Variants in ANKRD17 observed in about 807,000 individuals in gnomAD.
The protein encoded by ANKRD17 is ankyrin repeat domain-containing protein 17.
In ANKRD17, 19 loss-of-function variants were observed where a neutral mutation model predicts 229.7. The observed-to-expected ratio is 0.08, with a 90% CI of 0.06 to 0.12. The LOEUF is 0.12. ANKRD17 is among the 10% of genes least tolerant of loss of function. ANKRD17 has a pLI of 1.00. For missense variants in ANKRD17, 2,176 were observed against 3,176.8 expected (o/e 0.68, Z 7.57); for synonymous variants, 1,112 against 1,146.1 (o/e 0.97, Z 0.60).
rs773130484 is a variant in ANKRD17 at position 73,115,938 on chromosome 4, C to T, written c.4189-22G>A. 5 of 1,599,122 alleles carry T rather than the reference C, an allele frequency of 3.1e-6. 1 individual carries two copies. In the South Asian group the frequency reaches 5.5e-5, roughly 18 times the overall value. On this transcript the variant is annotated intron_variant, in intron 22 of 33. Transcript: ENST00000358602. ...GACCCTAAAAAATAGATATCAATGT[C>T]AGATTGAAAACAGACTCTAACAGTT...
At chr4:73,191,954 C>CTA (rs1218063589) in intron 1 of ANKRD17, among the ~76,000 whole-genome samples, 2 of 151,980 alleles carry the variant, frequency 1.3e-5, no homozygotes, top group Admixed American at 1.3e-4. Context: ...ACAGGAAAGA[C>CTA]TATAAATAAC....
Position 73,156,107 on chromosome 4 carries a change from A to G in ANKRD17, c.764T>C (p.Ile255Thr). ...GDVNAVRKLLIEGRSVNEHTE... is the reference protein window; with the variant it reads ...GDVNAVRKLLTEGRSVNEHTE... ...GTGTTCATTTACACTTCGCCCTTCA[A>G]TGAGTAACTTTCGCACAGCATTTAC... Residue 255 changes from isoleucine (I) to threonine (T), a missense_variant, in exon 4 of 34, where the codon ATT becomes ACT. Physicochemically the swap from Ile to Thr is moderately conservative, Grantham distance 89. Transcript: ENST00000358602. 1 of 1,613,468 alleles carries G rather than the reference A, an allele frequency of 6.2e-7. No homozygotes were observed. The highest frequency in any genetic ancestry group is 8.5e-7 in the Non-Finnish European group (1 of 1,179,890).
At chr4:73,150,824 T>C (rs914836416) in intron 7 of ANKRD17, among the ~76,000 whole-genome samples, 1 of 152,160 alleles carries the variant, frequency 6.6e-6, no homozygotes, top group Non-Finnish European at 1.5e-5. Flanking sequence ...AGTACTGTTA[T>C]GAGCCATTCC....
At chr4:73,255,246 T>C (rs1745354615) in intron 1 of ANKRD17, among the ~76,000 whole-genome samples, 1 of 151,698 alleles carries the variant, frequency 6.6e-6, no homozygotes, top group Admixed American at 6.6e-5. Flanking sequence ...AAGCTCTTAT[T>C]TGAATTGATT....
chr4:73,168,289 G>T lies in ANKRD17; in HGVS notation c.548-6941C>A, dbSNP rs1265641750. 2.9e-4 allele frequency among the ~76,000 whole-genome samples: 44 copies of T among 152,086 alleles called. 1 individual carries two copies. Among genetic ancestry groups the T allele is most frequent in the Admixed American group, 2.9e-3 (44 of 15,272 alleles). Reference sequence around the variant, plus strand: ...GCATGTATAATAGGTAGTGCACTGGGGTTCTTAAACCATGAACAATTAGTG... The same window carrying T: ...GCATGTATAATAGGTAGTGCACTGGTGTTCTTAAACCATGAACAATTAGTG... On this transcript the variant is annotated intron_variant, in intron 2 of 33. Coordinates refer to ENST00000358602, the MANE Select transcript of ANKRD17 (RefSeq NM_032217.5).
At chr4:73,192,789 TA>T (rs2149072048) in intron 1 of ANKRD17, among the ~76,000 whole-genome samples, 1 of 152,298 alleles carries the variant, frequency 6.6e-6, no homozygotes, top group African/African-American at 2.4e-5. Flanking sequence ...TCATTCTTTT[TA>T]AATGAAAGAA....
intron 16 of ANKRD17, among the ~76,000 whole-genome samples, chr4:73,127,232 A>G (rs1727592731): frequency 6.6e-6 from 1 of 152,142 alleles, no homozygotes; most frequent in South Asian, 2.1e-4. Context: ...TCCCAGGAAA[A>G]CCAAAATGAT....
At chr4:73,110,971 TTAAA>T (rs1725243004) in intron 24 of ANKRD17, among the ~76,000 whole-genome samples, 1 of 152,144 alleles carries the variant, frequency 6.6e-6, no homozygotes, top group South Asian at 2.1e-4. Context: ...AACATTAAGG[TTAAA>T]TAACGCTGGC....
Position 73,146,775 on chromosome 4 carries a change from C to G in ANKRD17, c.1858G>C (p.Gly620Arg). ...GTAACATAGCTTACCAGATCTGCGC[C>G]TGCCTGAAGTAAGACATCTGCTACA... ...TDVADVLLQA[G>R]ADLEHESEGG... The change falls in exon 10 of 34, where the codon GGC (glycine) becomes CGC (arginine). Residue 620 changes from glycine to arginine, a missense_variant. Physicochemically the swap from Gly to Arg is moderately radical, Grantham distance 125. Around this residue, in one of 18 missense-constraint regions of ANKRD17, gnomAD observed 275 missense variants for 386.9 expected, o/e 0.71. Coordinates refer to ENST00000358602, the MANE Select transcript of ANKRD17 (RefSeq NM_032217.5). 6.2e-7 allele frequency: 1 copy of G among 1,606,722 alleles called. No individual in the cohort carries two copies. Among genetic ancestry groups the G allele is most frequent in the East Asian group, 2.2e-5 (1 of 44,776 alleles).
At chr4:73,230,941 C>G (rs1742985192) in intron 1 of ANKRD17, among the ~76,000 whole-genome samples, 1 of 152,122 alleles carries the variant, frequency 6.6e-6, no homozygotes, top group Non-Finnish European at 1.5e-5. Context: ...TGTTTACAAT[C>G]AACCCTCCCA....
At chr4:73,223,753 A>C (rs1742157116) in intron 1 of ANKRD17, among the ~76,000 whole-genome samples, 2 of 152,168 alleles carry the variant, frequency 1.3e-5, no homozygotes, top group Admixed American at 1.3e-4. Flanking sequence ...CTTACAATAA[A>C]TACTCTAAGA....
chr4:73,182,664 T>C (rs1355901943), intron 1 of ANKRD17, among the ~76,000 whole-genome samples: 3 of 152,194 alleles, frequency 2.0e-5, no homozygotes, highest in Admixed American at 6.5e-5. Context: ...GCACCTCCTA[T>C]AAAGAATTCT....
chr4:73,116,172 T>C (rs1256432985), intron 22 of ANKRD17, among the ~76,000 whole-genome samples: 1 of 147,802 alleles, frequency 6.8e-6, no homozygotes, highest in Non-Finnish European at 1.5e-5. Flanking sequence ...AAAAAAACAA[T>C]AATCCCAAAA....
chr4:73,178,891 A>G (rs1735082709), intron 1 of ANKRD17, among the ~76,000 whole-genome samples: 1 of 152,168 alleles, frequency 6.6e-6, no homozygotes, highest in Admixed American at 6.5e-5. Flanking sequence ...ATTATTATAT[A>G]AAATATCACT....
At chr4:73,116,031 A>T in intron 22 of ANKRD17, 115 bp from the exon 23 acceptor site, 3 of 778,584 alleles carry the variant, frequency 3.9e-6, no homozygotes, top group Non-Finnish European at 6.5e-6. Context: ...ACTAAATTGC[A>T]TATTTACACT....
chr4:73,233,977 T>C (rs1041833383), intron 1 of ANKRD17, among the ~76,000 whole-genome samples: 5 of 152,320 alleles, frequency 3.3e-5, no homozygotes, highest in African/African-American at 1.2e-4. Context: ...ATGGGCTCTT[T>C]CAATCTGAAA....
intron 1 of ANKRD17, among the ~76,000 whole-genome samples, chr4:73,215,171 A>C (rs1369776495): frequency 1.3e-5 from 2 of 152,226 alleles, no homozygotes; most frequent in African/African-American, 4.8e-5. Flanking sequence ...CAAACTTCCA[A>C]GCAAAATTAG....
intron 15 of ANKRD17, among the ~76,000 whole-genome samples, chr4:73,136,969 A>G (rs906266198): frequency 2.1e-5 from 3 of 141,210 alleles, no homozygotes; most frequent in Non-Finnish European, 4.5e-5. Context: ...AGAACCTACC[A>G]AAATTACAGA....
intron 1 of ANKRD17, among the ~76,000 whole-genome samples, chr4:73,214,207 A>G (rs538953525): frequency 6.6e-6 from 1 of 152,306 alleles, no homozygotes; most frequent in African/African-American, 2.4e-5. Context: ...ATTGTAGTTA[A>G]AGGATAGAGT....
Sources: gnomAD v4.1 joint callset for allele counts (sites outside exome capture counted in the v4.1 genomes callset) on GRCh38, gnomAD v4.1.1 for gene constraint, gnomAD v4.1.1 regional missense constraint, MANE v1.5 for transcripts, NCBI Gene and HGNC (gene_info 2026-07-23, HGNC 2026-07-21) for gene names.